The following PCDH15 variants were observed in gnomAD, a reference collection of about 807,000 sequenced individuals.
PCDH15 encodes the protein protocadherin related 15.
A neutral mutation model predicts 178.5 loss-of-function variants in PCDH15; 129 were observed. The ratio of observed to expected loss-of-function variants is 0.72; its 90% CI spans 0.63 to 0.84. The LOEUF is 0.84. PCDH15 is among the 40% of genes least tolerant of loss of function. The probability of loss-of-function intolerance (pLI) is 0.00; values close to 1 mark genes in which losing one functional copy is unlikely to be tolerated. For missense variants in PCDH15, 2,230 were observed against 2,099.9 expected, an observed-to-expected ratio of 1.06 and a Z score of -1.21; for synonymous variants, 800 against 732.0, an observed-to-expected ratio of 1.09 and a Z score of -1.50.
intron 24 of PCDH15, among the ~76,000 whole-genome samples, chr10:53,939,840 A>C (rs574294842): frequency 9.4e-4 from 143 of 152,264 alleles, no homozygotes; most frequent in African/African-American, 3.1e-3. Flanking sequence ...GAAAAGGACA[A>C]ATAGAATCAA....
At chr10:54,344,918 A>C (rs1248089668) in intron 6 of PCDH15, among the ~76,000 whole-genome samples, 1 of 140,968 alleles carries the variant, frequency 7.1e-6, no homozygotes. Flanking sequence ...AAAAAAAAAA[A>C]AAAAAAAACA....
chr10:54,554,109 T>C (rs1474157393), intron 2 of PCDH15, among the ~76,000 whole-genome samples: 4 of 152,140 alleles, frequency 2.6e-5, no homozygotes, highest in Non-Finnish European at 5.9e-5. Context: ...AAATTCCTAT[T>C]ACAATGTGAA....
chr10:54,238,659 C>CCTCTCT (rs141677915), intron 8 of PCDH15, among the ~76,000 whole-genome samples: 6,028 of 129,828 alleles, frequency 0.046, 170 homozygotes, highest in South Asian at 0.075. Flanking sequence ...TCCCATGCTG[C>CCTCTCT]CTCTCTCTCT....
chr10:54,595,808 C>T (rs1266015321), intron 2 of PCDH15, among the ~76,000 whole-genome samples: 1 of 152,020 alleles, frequency 6.6e-6, no homozygotes, highest in African/African-American at 2.4e-5. Flanking sequence ...AAACACTCTA[C>T]AAGAATTTCA....
rs538357795 is a variant in PCDH15, at chr10:54,454,385, C to T, written c.157+73427G>A. ...AAGCCTTTTCAAAAATGGTGCAAAACTAAATCTATAGTATTCAACTGATGT... is the reference window on the plus strand; with the variant it reads ...AAGCCTTTTCAAAAATGGTGCAAAATTAAATCTATAGTATTCAACTGATGT... On this transcript the variant is annotated intron_variant, in intron 3 of 37. Transcript: ENST00000644397. 4.7e-5 allele frequency among the ~76,000 whole-genome samples: 7 copies of T among 148,846 alleles called. No individual in the cohort carries two copies. The South Asian group carries it at 1.1e-3, about 22-fold the overall frequency.
intron 3 of PCDH15, among the ~76,000 whole-genome samples, chr10:54,450,973 C>G (rs757389325): frequency 2.0e-5 from 3 of 151,748 alleles, no homozygotes; most frequent in Non-Finnish European, 4.4e-5. Flanking sequence ...AGAATTCTCT[C>G]AAAGTTAAAT....
intron 2 of PCDH15, among the ~76,000 whole-genome samples, chr10:54,662,688 G>A (rs1312836007): frequency 6.6e-6 from 1 of 151,950 alleles, no homozygotes; most frequent in Non-Finnish European, 1.5e-5. Flanking sequence ...AAAAGTGCAT[G>A]GTTCGTGGAT....
At position 55,190,270 on chromosome 10, in the gene PCDH15, A is replaced by AG. The variant is rs201663101; in HGVS notation, c.-155-23620_-155-23619insC. On this transcript the variant is annotated intron_variant, in intron 1 of 5. Coordinates refer to the PCDH15 transcript ENST00000458638. ...ATATTGGCTCTGAAGTTATTAAAAA[A>AG]AAAACTTCTGCTGTCATAGAAACTT... 6.4e-3 allele frequency among the ~76,000 whole-genome samples: 969 copies of AG among 151,624 alleles called. 19 individuals carry two copies. The highest frequency in any genetic ancestry group is 0.023 in the African/African-American group (932 of 41,402).
chr10:54,719,332 T>A (rs28787002), intron 1 of PCDH15, among the ~76,000 whole-genome samples: 3 of 152,082 alleles, frequency 2.0e-5, no homozygotes, highest in Admixed American at 6.6e-5. Context: ...AGAGTTTTTT[T>A]AAAAACTTAA....
chr10:54,525,273 C>G (rs910822532), intron 3 of PCDH15, among the ~76,000 whole-genome samples: 4 of 152,122 alleles, frequency 2.6e-5, no homozygotes, highest in African/African-American at 9.7e-5. Flanking sequence ...AGTAAATTTA[C>G]TAATTTAGCT....
intron 2 of PCDH15, among the ~76,000 whole-genome samples, chr10:55,447,579 A>G (rs947155877): frequency 1.3e-5 from 2 of 152,104 alleles, no homozygotes; most frequent in Non-Finnish European, 2.9e-5. Flanking sequence ...GGTATCAGCA[A>G]AACAAAATAT....
chr10:54,355,120 C>CAA lies in PCDH15; in HGVS notation c.475-8638_475-8637dup, dbSNP rs770404490. ...GCGTATTTCCAAAACAGGAGGATTGCAAAAAAAAAAAAAAAAAAAAAAAAA... is the reference window on the plus strand; with the variant it reads ...GCGTATTTCCAAAACAGGAGGATTGCAAAAAAAAAAAAAAAAAAAAAAAAAAA... On this transcript the variant is annotated intron_variant, in intron 5 of 37. Coordinates refer to ENST00000644397, the MANE Select transcript of PCDH15 (RefSeq NM_001384140.1). 9.7e-3 allele frequency among the ~76,000 whole-genome samples: 676 copies of CAA among 69,798 alleles called. 36 individuals carry two copies. Among genetic ancestry groups the CAA allele is most frequent in the African/African-American group, 0.035 (635 of 18,098 alleles). The allele number at this position is 69,798 out of a possible 152,430, so 45.8% of individuals were successfully genotyped here.
At chr10:54,404,260 A>C (rs1242543057) in intron 3 of PCDH15, among the ~76,000 whole-genome samples, 1 of 152,028 alleles carries the variant, frequency 6.6e-6, no homozygotes, top group African/African-American at 2.4e-5. Flanking sequence ...TGGCTACCCA[A>C]CTTCAAATTA....
At chr10:55,553,208 T>TAA (rs777507518) in intron 2 of PCDH15, among the ~76,000 whole-genome samples, 12 of 138,390 alleles carry the variant, frequency 8.7e-5, no homozygotes, top group Non-Finnish European at 1.1e-4. Context: ...GCTAGGTTAA[T>TAA]AAAAAAAAAA....
chr10:53,804,808 A>C lies in PCDH15; in HGVS notation c.*1771T>G, dbSNP rs1470491813. ...AGCCCCGGACTTCATTGCTTCCAAA[A>C]TTTAATGTGCATATAAACCACCTTA... is the stretch of plus-strand genomic sequence containing the variant. On this transcript the variant is annotated 3_prime_UTR_variant, in exon 38 of 38. Coordinates refer to ENST00000644397, the MANE Select transcript of PCDH15 (RefSeq NM_001384140.1). 1 of 152,012 alleles carries C rather than the reference A, an allele frequency of 6.6e-6. No homozygotes were observed. The highest frequency in any genetic ancestry group is 1.5e-5 in the Non-Finnish European group (1 of 67,956). The allele number at this position is 152,012 out of a possible 1,614,324, so 9.4% of individuals were successfully genotyped here. A position where few individuals can be genotyped will look rare whatever the true frequency, so the allele number is the denominator to read the frequency against.
At chr10:54,327,858 A>T (rs186175771) in intron 7 of PCDH15, among the ~76,000 whole-genome samples, 1 of 152,212 alleles carries the variant, frequency 6.6e-6, no homozygotes, top group Admixed American at 6.6e-5. Flanking sequence ...TTAGGTTTAT[A>T]GAAAAATTGA....
In PCDH15 at chr10:53,950,411, TC is replaced by T. The variant is rs2086921135; in HGVS notation, c.3122+9320del. 2.0e-5 allele frequency among the ~76,000 whole-genome samples: 3 copies of T among 152,156 alleles called. No individual in the cohort carries two copies. The South Asian group carries it at 6.2e-4, about 31-fold the overall frequency. On this transcript the variant is annotated intron_variant, in intron 23 of 37. Transcript: ENST00000644397. ...CACTAAATCATGCAATGGTTAATAT[TC>T]AAGTTGATACATTTCCATTTTTAAA... is the stretch of plus-strand genomic sequence containing the variant.
intron 8 of PCDH15, among the ~76,000 whole-genome samples, chr10:54,247,957 T>C (rs959683889): frequency 3.6e-5 from 5 of 137,558 alleles, no homozygotes; most frequent in African/African-American, 1.6e-4. Flanking sequence ...TATATATATA[T>C]ATACACATAC....
intron 3 of PCDH15, among the ~76,000 whole-genome samples, chr10:54,451,383 T>A (rs1285957855): frequency 6.6e-6 from 1 of 151,948 alleles, no homozygotes; most frequent in African/African-American, 2.4e-5. Flanking sequence ...GAATACAGAA[T>A]AAGGTATAGT....
Sources: allele counts gnomAD v4.1 joint callset (sites outside exome capture counted in the v4.1 genomes callset), GRCh38; gene constraint gnomAD v4.1.1; transcripts MANE v1.5; gene names NCBI Gene and HGNC (gene_info 2026-07-23, HGNC 2026-07-21).